Variants in ASAP1 observed in about 807,000 individuals in gnomAD.
ASAP1 encodes the protein arf-GAP with SH3 domain, ANK repeat and PH domain-containing protein 1.
ASAP1 carries 43 observed loss-of-function variants against 145.2 expected under a neutral mutation model. That is an observed-to-expected ratio of 0.30 (90% CI 0.23 to 0.38). The LOEUF is 0.38. ASAP1 is among the 10% of genes least tolerant of loss of function. ASAP1 has a pLI of 1.00. For missense variants in ASAP1, 1,018 were observed against 1,355.3 expected (o/e 0.75, Z 3.91); for synonymous variants, 546 against 515.5 (o/e 1.06, Z -0.80).
chr8:130,102,593 G>A (rs567146098), intron 24 of ASAP1, among the ~76,000 whole-genome samples: 3 of 152,102 alleles, frequency 2.0e-5, no homozygotes, highest in Middle Eastern at 3.2e-3. Context: ...TTTGGTATTA[G>A]GGCAATGCTG....
chr8:130,273,489 T>A (rs1476320113), intron 3 of ASAP1, among the ~76,000 whole-genome samples: 1 of 152,108 alleles, frequency 6.6e-6, no homozygotes, highest in Non-Finnish European at 1.5e-5. Flanking sequence ...CCACATCCAA[T>A]ACACTGGCTG....
intron 27 of ASAP1, among the ~76,000 whole-genome samples, chr8:130,072,669 A>C (rs963345615): frequency 1.3e-5 from 2 of 151,504 alleles, no homozygotes; most frequent in African/African-American, 4.9e-5. Flanking sequence ...TAAACTGGTA[A>C]ATGTGTTTCC....
At chr8:130,152,862 G>C (rs1470610976) in intron 12 of ASAP1, 57 bp from the exon 13 acceptor site, 42 of 1,301,654 alleles carry the variant, frequency 3.2e-5, no homozygotes, top group Non-Finnish European at 4.6e-5. Context: ...TGGGACATGC[G>C]ACGATACAGT....
At chr8:130,394,877 CAG>C (rs777026260) in intron 2 of ASAP1, among the ~76,000 whole-genome samples, 6 of 152,154 alleles carry the variant, frequency 3.9e-5, no homozygotes, top group African/African-American at 7.2e-5. Flanking sequence ...CCTGGAGGCA[CAG>C]AGAGGAGGAA....
At chr8:130,442,263 T>C (rs1830511014) in intron 1 of ASAP1, among the ~76,000 whole-genome samples, 1 of 152,148 alleles carries the variant, frequency 6.6e-6, no homozygotes, top group Non-Finnish European at 1.5e-5. Flanking sequence ...AGAAGGGGCA[T>C]GGGACTGAGC....
intron 4 of ASAP1, among the ~76,000 whole-genome samples, chr8:130,231,481 C>T (rs557201584): frequency 1.3e-4 from 20 of 152,062 alleles, no homozygotes; most frequent in African/African-American, 4.3e-4. Flanking sequence ...CATGTGTTAC[C>T]AATAAGCTAA....
chr8:130,361,131 C>T (rs1826692425), intron 2 of ASAP1: 1 of 160,560 alleles, frequency 6.2e-6, no homozygotes, highest in Admixed American at 5.9e-5. Context: ...GTCACCTCCA[C>T]TGAGGTGGTG....
chr8:130,247,596 C>T (rs1274682061), intron 3 of ASAP1, among the ~76,000 whole-genome samples: 2 of 151,986 alleles, frequency 1.3e-5, no homozygotes, highest in African/African-American at 4.8e-5. Flanking sequence ...CTTTTTCTTC[C>T]CATTCCAGGA....
At chr8:130,416,863 G>A (rs1421450103) in intron 1 of ASAP1, among the ~76,000 whole-genome samples, 1 of 152,186 alleles carries the variant, frequency 6.6e-6, no homozygotes, top group Non-Finnish European at 1.5e-5. Flanking sequence ...CTGGTATCAC[G>A]GCAGCCTGAG....
At chr8:130,159,728 A>G in intron 12 of ASAP1, 136 bp downstream of exon 12, 1 of 677,790 alleles carries the variant, frequency 1.5e-6, no homozygotes, top group East Asian at 2.6e-5. Flanking sequence ...TCTCGGATTT[A>G]CTTGAAGAAA....
chr8:130,179,082 C>A, intron 9 of ASAP1, 182 bp downstream of exon 9: 1 of 454,790 alleles, frequency 2.2e-6, no homozygotes, highest in Non-Finnish European at 3.9e-6. Flanking sequence ...ATTTGAGCTA[C>A]TGATTTGTAT....
chr8:130,127,887 A>T (rs1250946394), intron 16 of ASAP1, 40 bp downstream of exon 16: 1 of 1,605,176 alleles, frequency 6.2e-7, no homozygotes, highest in African/African-American at 1.3e-5. Flanking sequence ...AGGAAGAGAA[A>T]GGATGTTGTA....
At chr8:130,224,442 A>C (rs1010288671) in intron 4 of ASAP1, among the ~76,000 whole-genome samples, 1 of 152,156 alleles carries the variant, frequency 6.6e-6, no homozygotes, top group African/African-American at 2.4e-5. Flanking sequence ...ATAAAGATAA[A>C]ATTATAATTT....
intron 24 of ASAP1, among the ~76,000 whole-genome samples, chr8:130,111,876 C>T (rs995332776): frequency 6.6e-6 from 1 of 152,166 alleles, no homozygotes; most frequent in Non-Finnish European, 1.5e-5. Flanking sequence ...AAGGTTAACA[C>T]AAATAATGCA....
In ASAP1 at chr8:130,054,693, C is replaced by A. The variant is rs7016780; in HGVS notation, c.*38G>T. 6.4e-7 allele frequency: 1 copy of A among 1,572,412 alleles called. No individual in the cohort carries two copies. The highest frequency in any genetic ancestry group is 2.2e-5 in the East Asian group (1 of 44,616). On this transcript the variant is annotated 3_prime_UTR_variant, in exon 30 of 30. Coordinates refer to ENST00000518721, the MANE Select transcript of ASAP1 (RefSeq NM_018482.4). ...GGGTTACATGAAGGCAGCAGTCTTG[C>A]ATGAAGGATGTGGACAATCTTAAGG...
In ASAP1 at chr8:130,054,521, T is replaced by C. The variant is rs1386627911; in HGVS notation, c.*210A>G. ...GCCAAGGATGGCTTTGGCAAACCAG[T>C]AAGGCGCGCCGGGTCCGAGGCTACC... On this transcript the variant is annotated 3_prime_UTR_variant, in exon 30 of 30. Coordinates refer to ENST00000518721, the MANE Select transcript of ASAP1 (RefSeq NM_018482.4). 2.1e-6 allele frequency: 1 copy of C among 471,274 alleles called. No homozygotes were observed. The highest frequency in any genetic ancestry group is 2.0e-5 in the African/African-American group (1 of 51,044). 29.2% of individuals were successfully genotyped at this position (471,274 alleles called of 1,614,324 possible). A position where few individuals can be genotyped will look rare whatever the true frequency, so the allele number is the denominator to read the frequency against.
At chr8:130,410,198 G>A (rs540244810) in intron 1 of ASAP1, among the ~76,000 whole-genome samples, 8 of 152,146 alleles carry the variant, frequency 5.3e-5, no homozygotes, top group Middle Eastern at 3.4e-3. Context: ...CAAAATAGAC[G>A]TGGTCTCTGC....
chr8:130,361,294 G>T, intron 2 of ASAP1: 1 of 246,480 alleles, frequency 4.1e-6, no homozygotes, highest in Non-Finnish European at 7.9e-6. Context: ...GTCATCTTGG[G>T]CCTTAGTGCT....
intron 3 of ASAP1, among the ~76,000 whole-genome samples, chr8:130,307,232 C>T (rs1391594636): frequency 6.7e-6 from 1 of 149,786 alleles, no homozygotes; most frequent in Non-Finnish European, 1.5e-5. Context: ...ATCCCCAACA[C>T]CCAGAACAAT....
Sources: gnomAD v4.1 joint callset for allele counts (sites outside exome capture counted in the v4.1 genomes callset) on GRCh38, gnomAD v4.1.1 for gene constraint, MANE v1.5 for transcripts, NCBI Gene and HGNC (gene_info 2026-07-23, HGNC 2026-07-21) for gene names.